The following ACAD9 variants were observed in gnomAD, a reference collection of about 807,000 sequenced individuals.
ACAD9 encodes the protein complex I assembly factor ACAD9, mitochondrial.
ACAD9 carries 53 observed loss-of-function variants against 70.2 expected under a neutral mutation model. The observed-to-expected ratio is 0.75, with a 90% confidence interval of 0.61 to 0.95. The LOEUF is 0.95. Among genes scored for constraint, ACAD9 ranks in the 40% least tolerant of loss-of-function variants. The probability of loss-of-function intolerance (pLI) is 0.00; values close to 1 mark genes in which losing one functional copy is unlikely to be tolerated. For missense variants in ACAD9, 777 were observed against 802.8 expected (o/e 0.97, Z 0.39); for synonymous variants, 313 against 312.1 (o/e 1.00, Z -0.03).
chr3:128,880,087 G>A, intron 1 of ACAD9: 1 of 1,437,610 alleles, frequency 7.0e-7, no homozygotes, highest in Non-Finnish European at 9.3e-7. Flanking sequence ...ATTTTGTCAG[G>A]GGAATTCGGA....
chr3:128,900,209 C>CG (rs1468104303), intron 7 of ACAD9, among the ~76,000 whole-genome samples: 1 of 151,848 alleles, frequency 6.6e-6, no homozygotes, highest in Non-Finnish European at 1.5e-5. Flanking sequence ...TAGGATTACA[C>CG]GTGTGAGTTA....
intron 13 of ACAD9, 40 bp from the exon 14 acceptor site, chr3:128,908,933 C>T: frequency 6.2e-7 from 1 of 1,613,808 alleles, no homozygotes; most frequent in South Asian, 1.1e-5. Flanking sequence ...TGAGCGCCAG[C>T]AGCGAGGCCT....
At chr3:128,883,073 GT>G (rs58094285) in intron 1 of ACAD9, among the ~76,000 whole-genome samples, 60,085 of 138,986 alleles carry the variant, frequency 0.43, 14,515 homozygotes, top group African/African-American at 0.69. Flanking sequence ...CCATCAGCTT[GT>G]TTTTTTTTTT....
chr3:128,898,388 T>C (rs901372389), intron 6 of ACAD9: 4 of 452,964 alleles, frequency 8.8e-6, no homozygotes, highest in Non-Finnish European at 1.8e-5. Context: ...AATACCCTTA[T>C]CACATTTTAA....
chr3:128,889,180 C>A lies in ACAD9; in HGVS notation c.245-4375C>A, dbSNP rs867638209. Among the ~76,000 whole-genome samples, 1,370 of 144,294 alleles carry A rather than the reference C, an allele frequency of 9.5e-3. 18 individuals are homozygous for A. The highest frequency in any genetic ancestry group is 0.034 in the African/African-American group (1,240 of 36,940). 94.7% of individuals were successfully genotyped at this position (144,294 alleles called of 152,430 possible). The stretch of plus-strand genomic sequence containing the variant: ...TTTGTTTTCCTTAAAAAAAAAAAAA[C>A]AAAAAATATTTAACAGTGAGATGGG... On this transcript the variant is annotated intron_variant, in intron 2 of 17. Coordinates refer to ENST00000308982, the MANE Select transcript of ACAD9 (RefSeq NM_014049.5).
intron 1 of ACAD9, 58 bp downstream of exon 1, chr3:128,879,899 G>A: frequency 6.2e-7 from 1 of 1,612,574 alleles, no homozygotes; most frequent in East Asian, 2.2e-5. Context: ...ACCCTCAGCT[G>A]CAAGACTGGT....
rs1935831641 is a variant in ACAD9 at position 128,904,495 on chromosome 3, C to G, written c.1139C>G (p.Ala380Gly). The G allele has an allele frequency of 6.2e-7, 1 of 1,613,982 alleles. No homozygotes were observed. Residue 380 changes from alanine (A) to glycine (G), a missense_variant, in exon 11 of 18, where the codon GCC (alanine) becomes GGC (glycine). Ala to Gly is a moderately conservative substitution (Grantham distance 60). Coordinates refer to ENST00000308982, the MANE Select transcript of ACAD9 (RefSeq NM_014049.5). ...PGFPDCSIEA[A>G]MVKVFSSEAA... is the part of the protein sequence containing the mutation. ...TTTCCCGACTGCTCCATCGAGGCAG[C>G]CATGGTGAAGGTAACCCTGGCATAG... is the stretch of plus-strand genomic sequence containing the variant.
At chr3:128,901,706 G>T (rs949458638) in intron 8 of ACAD9, among the ~76,000 whole-genome samples, 1 of 152,114 alleles carries the variant, frequency 6.6e-6, no homozygotes, top group African/African-American at 2.4e-5. Flanking sequence ...TTTCTTTTTG[G>T]ACTAAGACTT....
intron 14 of ACAD9, 52 bp downstream of exon 14, chr3:128,909,151 C>T: frequency 6.2e-7 from 1 of 1,611,358 alleles, no homozygotes; most frequent in South Asian, 1.1e-5. Context: ...CCTGCCAGAT[C>T]TCCTTGTGGC....
At chr3:128,899,488 C>CGT (rs150475857) in intron 7 of ACAD9, 27 bp downstream of exon 7, 21 of 1,582,686 alleles carry the variant, frequency 1.3e-5, no homozygotes, top group Middle Eastern at 3.4e-4. Context: ...CGCGCGTGCG[C>CGT]GTGTGTGTGT....
intron 2 of ACAD9, among the ~76,000 whole-genome samples, chr3:128,889,593 G>T (rs945213441): frequency 1.3e-5 from 2 of 152,060 alleles, no homozygotes; most frequent in African/African-American, 4.8e-5. Flanking sequence ...AGATTAGTTC[G>T]TATTTTTTGG....
rs750899715 is a variant in ACAD9 at position 128,910,103 on chromosome 3, G to A, written c.1646G>A (p.Arg549Gln). Reference protein sequence around the residue: ...NLYGMTAVLSRASRSIRIGLR... With the variant: ...NLYGMTAVLSQASRSIRIGLR... ...TATGGCATGACGGCCGTGCTGTCGC[G>A]GGCCAGCCGCTCCATCCGCATTGGG... Residue 549 changes from arginine to glutamine, a missense_variant, in exon 16 of 18, where the codon CGG becomes CAG. Arg to Gln is a conservative substitution (Grantham distance 43). Transcript: ENST00000308982. The A allele has an allele frequency of 7.4e-6, 12 of 1,613,710 alleles. No individual in the cohort carries two copies. The highest frequency in any genetic ancestry group is 2.2e-5 in the East Asian group (1 of 44,896).
At chr3:128,908,470 AC>A (rs1935975884) in intron 13 of ACAD9, 2 of 634,560 alleles carry the variant, frequency 3.2e-6, no homozygotes, top group Non-Finnish European at 5.6e-6. Context: ...TGGCCACAGC[AC>A]CCTACAGCTT....
At chr3:128,882,864 C>A (rs963301594) in intron 1 of ACAD9, among the ~76,000 whole-genome samples, 2 of 152,222 alleles carry the variant, frequency 1.3e-5, no homozygotes, top group African/African-American at 4.8e-5. Flanking sequence ...TCCCACGCCC[C>A]TGCAATCTCT....
chr3:128,909,927 G>A, intron 15 of ACAD9, 94 bp from the exon 16 acceptor site: 2 of 1,551,218 alleles, frequency 1.3e-6, no homozygotes, highest in Admixed American at 3.8e-5. Flanking sequence ...AGGAACACAG[G>A]AGACTAAGAC....
rs746285581 is a variant in ACAD9 at position 128,912,936 on chromosome 3, G to A, written c.*329G>A. ...TTATGCTGCTGCCTCCAGGGTGTGA[G>A]GTGGGTGGGGACCTGTGTCAGGTGT... On this transcript the variant is annotated 3_prime_UTR_variant, in exon 18 of 18. Transcript: ENST00000308982. The A allele has an allele frequency of 3.8e-6, 2 of 522,162 alleles. No individual in the cohort carries two copies. The highest frequency in any genetic ancestry group is 3.8e-5 in the African/African-American group (2 of 52,598). 32.3% of individuals were successfully genotyped at this position (522,162 alleles called of 1,614,324 possible).
intron 7 of ACAD9, among the ~76,000 whole-genome samples, chr3:128,899,740 A>G (rs1302981273): frequency 6.6e-6 from 1 of 152,214 alleles, no homozygotes; most frequent in Non-Finnish European, 1.5e-5. Flanking sequence ...CCCCTGCTGT[A>G]GCTGCCCTAG....
intron 17 of ACAD9, among the ~76,000 whole-genome samples, chr3:128,911,877 C>T (rs930150850): frequency 7.2e-5 from 11 of 152,244 alleles, no homozygotes; most frequent in Non-Finnish European, 1.5e-4. Context: ...CAGTGCCCTG[C>T]AGAGGTCTCA....
chr3:128,901,587 C>T (rs112314580), intron 8 of ACAD9, among the ~76,000 whole-genome samples: 10 of 152,320 alleles, frequency 6.6e-5, no homozygotes, highest in Admixed American at 1.3e-4. Flanking sequence ...TCGCCTCGAG[C>T]GGAGGCTAAG....
Sources: allele counts gnomAD v4.1 joint callset (sites outside exome capture counted in the v4.1 genomes callset), GRCh38; gene constraint gnomAD v4.1.1; transcripts MANE v1.5; gene names NCBI Gene and HGNC (gene_info 2026-07-23, HGNC 2026-07-21).